The following KMT2B variants were observed in gnomAD, a reference collection of about 807,000 sequenced individuals.
The protein encoded by KMT2B is histone-lysine N-methyltransferase 2B.
Under a neutral mutation model 255.3 loss-of-function variants are expected in KMT2B, and 22 were observed. The ratio of observed to expected loss-of-function variants is 0.09; its 90% confidence interval spans 0.06 to 0.12. The LOEUF is 0.12. Among genes scored for constraint, KMT2B ranks in the 10% least tolerant of loss-of-function variants. The pLI is 1.00. For synonymous variants in KMT2B, 1,730 were observed against 1,498.1 expected, an observed-to-expected ratio of 1.15 and a Z score of -3.57; for missense variants, 3,149 against 3,737.0, an observed-to-expected ratio of 0.84 and a Z score of 4.10.
At chr19:35,724,405 G>A (rs1969346213) in intron 8 of KMT2B, among the ~76,000 whole-genome samples, 1 of 152,218 alleles carries the variant, frequency 6.6e-6, no homozygotes, top group African/African-American at 2.4e-5. Flanking sequence ...GGCTGAGGCA[G>A]GAGGATCGTC....
rs780838391 is a variant in KMT2B, at chr19:35,721,573, G to C, written c.2226G>C (p.Gln742His). ...AGGCTCAGCTACTGCAGCCCCTGCA[G>C]GCCTTGCAAACCCAGCTCCTGCCCC... is the stretch of plus-strand genomic sequence containing the variant. ...QTQAQLLQPL[Q>H]ALQTQLLPQA... is the part of the protein sequence containing the mutation. Residue 742 changes from glutamine (Q) to histidine (H), a missense_variant, in exon 3 of 37, where the codon CAG becomes CAC. Coordinates refer to ENST00000420124, the MANE Select transcript of KMT2B (RefSeq NM_014727.3). 6.8e-6 allele frequency: 11 copies of C among 1,611,978 alleles called. No homozygotes were observed. In the Admixed American group the frequency reaches 1.8e-4, roughly 27 times the overall value.
rs1568374279 is a variant in KMT2B, at chr19:35,725,678, C to T, written c.3790-45C>T. On this transcript the variant is annotated intron_variant, in intron 12 of 36. Transcript: ENST00000420124. The surrounding 1 kb of genome is among the most constrained non-coding windows in gnomAD (Gnocchi z 4.1). ...GGTGGAGGCCTGAAGGTGAGGGCAT[C>T]CCTGTGCCAGCAGGTTTCGCCATCT... The T allele has an allele frequency of 1.2e-6, 2 of 1,613,078 alleles. No individual in the cohort carries two copies.
chr19:35,718,492 C>T lies in KMT2B; in HGVS notation c.363+111C>T. The T allele has an allele frequency of 1.7e-6, 2 of 1,146,070 alleles. No individual in the cohort carries two copies. The highest frequency in any genetic ancestry group is 4.4e-5 in the South Asian group (1 of 22,728). The allele number at this position is 1,146,070 out of a possible 1,614,324, so 71.0% of individuals were successfully genotyped here. A position where few individuals can be genotyped will look rare whatever the true frequency, so the allele number is the denominator to read the frequency against. On this transcript the variant is annotated intron_variant, in intron 1 of 36. Transcript: ENST00000420124. This position sits in a 1 kb window ranked among gnomAD's most constrained non-coding sequence, Gnocchi z 5.0. ...GCAGGCCGGGTCCTCAGGGTTCCTT[C>T]GGAGAGACGGGGCACGGAGGGAGGG...
intron 21 of KMT2B, 29 bp from the exon 22 acceptor site, chr19:35,729,130 C>T: frequency 1.9e-6 from 3 of 1,613,890 alleles, no homozygotes; most frequent in Non-Finnish European, 2.5e-6. Flanking sequence ...CTGGCCTCCC[C>T]ACATCATGCC....
At position 35,723,286 on chromosome 19, in the gene KMT2B, G is replaced by A. The variant is rs231594; in HGVS notation, c.3002+12G>A. On this transcript the variant is annotated intron_variant, in intron 6 of 36. Transcript: ENST00000420124. This position sits in a 1 kb window ranked among gnomAD's most constrained non-coding sequence, Gnocchi z 7.5. Reference sequence around the variant, plus strand: ...AAGCAGTGCTGTGTGTGAGTAGCTGGGGCGTGACCTCATTCCCGTGGTTGT... The same window carrying A: ...AAGCAGTGCTGTGTGTGAGTAGCTGAGGCGTGACCTCATTCCCGTGGTTGT... The A allele has an allele frequency of 5.4e-4, 875 of 1,606,644 alleles. 5 individuals are homozygous for A. The African/African-American group carries it at 0.01, about 19-fold the overall frequency.
Position 35,736,779 on chromosome 19 carries a change from G to A in KMT2B, c.7249G>A (p.Glu2417Lys), listed in dbSNP as rs1389394920. 3.1e-6 allele frequency: 5 copies of A among 1,613,992 alleles called. No homozygotes were observed. Among genetic ancestry groups the A allele is most frequent in the Non-Finnish European group, 4.2e-6 (5 of 1,179,876 alleles). Residue 2417 changes from glutamate to lysine, a missense_variant, in exon 31 of 37, where the codon GAG (glutamate) becomes AAG (lysine). Physicochemically the swap from Glu to Lys is moderately conservative, Grantham distance 56. This residue lies in a region of KMT2B where 103 missense variants were observed against 200.7 expected (regional missense o/e 0.51). Transcript: ENST00000420124. ...ACGGACTGGCCCACATCTGCGCTTCGAGATCAGCAGTGAGGATGGGTTCAG... is the reference window on the plus strand; with the variant it reads ...ACGGACTGGCCCACATCTGCGCTTCAAGATCAGCAGTGAGGATGGGTTCAG... ...PKRTGPHLRF[E>K]ISSEDGFSVE... is the part of the protein sequence containing the mutation.
chr19:35,722,289 C>A (rs533209359), intron 3 of KMT2B, 70 bp from the exon 4 acceptor site: 79 of 1,460,700 alleles, frequency 5.4e-5, no homozygotes, highest in Non-Finnish European at 6.9e-5. Context: ...AGGCATCAGC[C>A]ACCACACCCA....
chr19:35,731,757 G>A, intron 26 of KMT2B, 151 bp from the exon 27 acceptor site: 1 of 663,306 alleles, frequency 1.5e-6, no homozygotes, highest in Non-Finnish European at 2.7e-6. Context: ...CTCCACGGTG[G>A]GTTTAGCCTG....
Position 35,728,874 on chromosome 19 carries a change from G to T in KMT2B, c.4672G>T (p.Gly1558Trp). 5.0e-6 allele frequency: 8 copies of T among 1,613,924 alleles called. No homozygotes were observed. The highest frequency in any genetic ancestry group is 6.8e-6 in the Non-Finnish European group (8 of 1,179,824). Residue 1558 changes from glycine (G) to tryptophan (W), a missense_variant, in exon 20 of 37, where the codon GGG becomes TGG. Transcript: ENST00000420124. ...GACCCCAGAATCAGGGCAGCCTCCAGGGGATCCCTCAGCAGGTACTGGGAA... is the reference window on the plus strand; with the variant it reads ...GACCCCAGAATCAGGGCAGCCTCCATGGGATCCCTCAGCAGGTACTGGGAA... ...PETPESGQPP[G>W]DPSAAFQGKD...
At chr19:35,726,983 C>CAAAAAA (rs34515466) in intron 14 of KMT2B, among the ~76,000 whole-genome samples, 173 bp from the exon 15 acceptor site, 3 of 62,856 alleles carry the variant, frequency 4.8e-5, no homozygotes, top group Non-Finnish European at 1.0e-4. Flanking sequence ...GACACTGTCT[C>CAAAAAA]AAAAAAAAAA....
intron 30 of KMT2B, among the ~76,000 whole-genome samples, 169 bp downstream of exon 30, chr19:35,734,041 A>C (rs1969827686): frequency 6.6e-6 from 1 of 152,102 alleles, no homozygotes; most frequent in Non-Finnish European, 1.5e-5. Flanking sequence ...GCCTTGTGGG[A>C]GAAACAGACA....
rs1202195537 is a variant in KMT2B, at chr19:35,726,256, C to T, written c.3906C>T (p.Arg1302=). Residue 1302 remains arginine (R), a synonymous_variant, in exon 14 of 37, where the codon CGC becomes CGT. Transcript: ENST00000420124. ...CCCAGATCTGTTCAGCCTGTGTGCG[C>T]TGTAAGAGCTGTGGGGCAACTCCAG... ...RRHWICSACV[R]CKSCGATPGK... 6.2e-7 allele frequency: 1 copy of T among 1,613,690 alleles called. No homozygotes were observed. Among genetic ancestry groups the T allele is most frequent in the Non-Finnish European group, 8.5e-7 (1 of 1,179,734 alleles).
intron 30 of KMT2B, among the ~76,000 whole-genome samples, chr19:35,734,932 A>G (rs1439934159): frequency 2.0e-5 from 3 of 152,174 alleles, no homozygotes; most frequent in African/African-American, 7.2e-5. Flanking sequence ...TGTCTCAGAG[A>G]TGACATGAGA....
chr19:35,719,749 C>T, intron 2 of KMT2B, 35 bp from the exon 3 acceptor site: 1 of 1,550,984 alleles, frequency 6.4e-7, no homozygotes, highest in South Asian at 1.3e-5. Flanking sequence ...GTAGGGCTGG[C>T]TTGATCCATC....
chr19:35,732,421 C>G lies in KMT2B; in HGVS notation c.5872C>G (p.Leu1958Val). 6.2e-7 allele frequency: 1 copy of G among 1,613,542 alleles called. No homozygotes were observed. Among genetic ancestry groups the G allele is most frequent in the Non-Finnish European group, 8.5e-7 (1 of 1,179,594 alleles). ...AGCCCTCACACCTACCTCAGGGGAG[C>G]TGGCTCCCCCTGGCCCGGCCCCATC... is the stretch of plus-strand genomic sequence containing the variant. Reference protein sequence around the residue: ...VTALTPTSGELAPPGPAPSPP... With the variant: ...VTALTPTSGEVAPPGPAPSPP... The change falls in exon 28 of 37, where the codon CTG becomes GTG. Residue 1958 changes from leucine (L) to valine (V), a missense_variant. By Grantham distance (32) the Leu-to-Val change is conservative. This residue lies in a region of KMT2B where 897 missense variants were observed against 825.3 expected (regional missense o/e 1.09). Coordinates refer to ENST00000420124, the MANE Select transcript of KMT2B (RefSeq NM_014727.3).
Position 35,728,778 on chromosome 19 carries a change from G to A in KMT2B, c.4576G>A (p.Val1526Ile), listed in dbSNP as rs1969569460. ...WRRSTRLPNG[V>I]LPNAVLPPSL... ...GCTAACCCTGCCTGTCCACAGCGGA[G>A]TCCTTCCCAATGCGGTGTTGCCCCC... The change falls in exon 20 of 37, where the codon GTC (valine) becomes ATC (isoleucine). Residue 1526 changes from valine (V) to isoleucine (I), a missense_variant. Val to Ile is a conservative substitution (Grantham distance 29). Around this residue, in one of 18 missense-constraint regions of KMT2B, gnomAD observed 377 missense variants for 471.0 expected, o/e 0.80. Coordinates refer to ENST00000420124, the MANE Select transcript of KMT2B (RefSeq NM_014727.3). 3.7e-6 allele frequency: 6 copies of A among 1,613,720 alleles called. No homozygotes were observed. Among genetic ancestry groups the A allele is most frequent in the Non-Finnish European group, 5.1e-6 (6 of 1,179,678 alleles).
chr19:35,733,037 T>G lies in KMT2B; in HGVS notation c.6488T>G (p.Phe2163Cys). ...AGCCCAGCTGACCCCACCCGCACAT[T>G]TGCCTGGCTCCCAGGGGCCCCAGGG... is the stretch of plus-strand genomic sequence containing the variant. ...TASPADPTRT[F>C]AWLPGAPGVR... Residue 2163 changes from phenylalanine (F) to cysteine (C), a missense_variant, in exon 28 of 37, where the codon TTT (phenylalanine) becomes TGT (cysteine). Phe to Cys is a radical substitution (Grantham distance 205). Around this residue, in one of 18 missense-constraint regions of KMT2B, gnomAD observed 897 missense variants for 825.3 expected, o/e 1.09. Coordinates refer to ENST00000420124, the MANE Select transcript of KMT2B (RefSeq NM_014727.3). The surrounding 1 kb of genome is among the most constrained non-coding windows in gnomAD (Gnocchi z 4.3). 1 of 1,589,470 alleles carries G rather than the reference T, an allele frequency of 6.3e-7. No individual in the cohort carries two copies. The highest frequency in any genetic ancestry group is 8.6e-7 in the Non-Finnish European group (1 of 1,168,218).
At chr19:35,730,903 C>A in intron 26 of KMT2B, 36 bp downstream of exon 26, 1 of 1,548,802 alleles carries the variant, frequency 6.5e-7, no homozygotes. Flanking sequence ...CTGAATACCG[C>A]TCTCCCTAAA....
At position 35,728,084 on chromosome 19, in the gene KMT2B, A is replaced by G. The variant is rs1417136564; in HGVS notation, c.4498-14A>G. ...GGAAGCTGGCTCTTCTCATCCTGTT[A>G]ACCCACTCCCCAGCTGCTAGAATCT... On this transcript the variant is annotated splice_polypyrimidine_tract_variant and intron_variant, in intron 18 of 36. Transcript: ENST00000420124. The G allele has an allele frequency of 1.3e-6, 2 of 1,589,602 alleles. No individual in the cohort carries two copies. Among genetic ancestry groups the G allele is most frequent in the Non-Finnish European group, 1.7e-6 (2 of 1,168,472 alleles).
Sources: allele counts gnomAD v4.1 joint callset (sites outside exome capture counted in the v4.1 genomes callset), GRCh38; gene constraint gnomAD v4.1.1; regional missense constraint gnomAD v4.1.1; non-coding constraint Gnocchi (gnomAD v3.1); transcripts MANE v1.5; gene names NCBI Gene and HGNC (gene_info 2026-07-23, HGNC 2026-07-21).